The following SPAG16 variants were observed in gnomAD, a reference collection of about 807,000 sequenced individuals.
The protein encoded by SPAG16 is sperm-associated antigen 16 protein.
A neutral mutation model predicts 80.4 loss-of-function variants in SPAG16; 86 were observed. The ratio of observed to expected loss-of-function variants is 1.07; its 90% CI spans 0.90 to 1.28. The LOEUF is 1.28. Among genes scored for constraint, SPAG16 ranks in the 50% most tolerant of loss-of-function variants. The pLI, the probability that SPAG16 is intolerant of heterozygous loss-of-function variation, is 0.00. For missense variants in SPAG16, 870 were observed against 765.3 expected, an observed-to-expected ratio of 1.14 and a Z score of -1.61; for synonymous variants, 294 against 265.9, an observed-to-expected ratio of 1.11 and a Z score of -1.03.
Position 213,995,200 on chromosome 2 carries a change from T to A in SPAG16, c.1401-18751T>A, listed in dbSNP as rs2046460447. On this transcript the variant is annotated intron_variant, in intron 12 of 15. Coordinates refer to ENST00000331683, the MANE Select transcript of SPAG16 (RefSeq NM_024532.5). ...GCAGAAGCCACTAAGTTTTAATGTG[T>A]GTTAAAAACAGCAGCAAAAACTGTT... is the stretch of plus-strand genomic sequence containing the variant. Among the ~76,000 whole-genome samples, 3 of 152,156 alleles carry A rather than the reference T, an allele frequency of 2.0e-5. No individual in the cohort carries two copies. In the South Asian group the frequency reaches 6.2e-4, roughly 32 times the overall value.
At chr2:213,819,968 G>A (rs1448339074) in intron 10 of SPAG16, among the ~76,000 whole-genome samples, 5 of 144,778 alleles carry the variant, frequency 3.5e-5, no homozygotes, top group Admixed American at 1.4e-4. Flanking sequence ...TAGTAGAGAC[G>A]GGTTTTGCCA....
At chr2:214,390,403 A>T (rs1444352050) in intron 15 of SPAG16, among the ~76,000 whole-genome samples, 1 of 149,756 alleles carries the variant, frequency 6.7e-6, no homozygotes. Context: ...AATTATAATG[A>T]TTTCAAATTC....
intron 15 of SPAG16, among the ~76,000 whole-genome samples, chr2:214,352,115 G>A (rs141249482): frequency 5.8e-4 from 89 of 152,230 alleles, no homozygotes; most frequent in African/African-American, 2.1e-3. Context: ...ATTGCCATTC[G>A]TGAAGACTTT....
At chr2:213,406,598 T>C (rs923470881) in intron 9 of SPAG16, among the ~76,000 whole-genome samples, 1 of 152,206 alleles carries the variant, frequency 6.6e-6, no homozygotes, top group Non-Finnish European at 1.5e-5. Flanking sequence ...GGATAAAGGA[T>C]GTTACCATAT....
intron 3 of SPAG16, chr2:213,302,680 A>T (rs543119060): frequency 7.3e-6 from 1 of 136,362 alleles, no homozygotes; most frequent in African/African-American, 2.5e-5. Context: ...ATGCAGAAGA[A>T]CTATAAATTG....
chr2:214,142,818 G>A (rs2055432967), intron 14 of SPAG16, among the ~76,000 whole-genome samples: 1 of 152,110 alleles, frequency 6.6e-6, no homozygotes, highest in Non-Finnish European at 1.5e-5. Flanking sequence ...TCTTACCCCA[G>A]CCATGGTTTT....
chr2:213,931,329 C>T (rs2078743911), intron 12 of SPAG16, among the ~76,000 whole-genome samples: 1 of 152,030 alleles, frequency 6.6e-6, no homozygotes, highest in South Asian at 2.1e-4. Flanking sequence ...TATTTTAGAC[C>T]TATGTCTATC....
chr2:213,314,535 T>G (rs1054023880), intron 4 of SPAG16, among the ~76,000 whole-genome samples: 4 of 151,866 alleles, frequency 2.6e-5, no homozygotes, highest in Non-Finnish European at 5.9e-5. Context: ...TATCTAAAAA[T>G]GAGCCTGAAG....
chr2:214,276,363 T>A (rs1429601209), intron 15 of SPAG16, among the ~76,000 whole-genome samples: 1 of 152,244 alleles, frequency 6.6e-6, no homozygotes, highest in Non-Finnish European at 1.5e-5. Context: ...ATCTTGCCCA[T>A]TAATTGATGT....
At chr2:213,801,307 G>T (rs747382962) in intron 10 of SPAG16, among the ~76,000 whole-genome samples, 3 of 152,130 alleles carry the variant, frequency 2.0e-5, no homozygotes, top group Non-Finnish European at 4.4e-5. Context: ...TACTAATCAG[G>T]TGTCTTCAAA....
chr2:214,336,118 A>T (rs2126020996), intron 15 of SPAG16, among the ~76,000 whole-genome samples: 1 of 152,286 alleles, frequency 6.6e-6, no homozygotes, highest in African/African-American at 2.4e-5. Flanking sequence ...GGATTTAGTT[A>T]TCTTGTTGCA....
At chr2:214,163,945 C>T (rs967420400) in intron 15 of SPAG16, among the ~76,000 whole-genome samples, 3 of 151,866 alleles carry the variant, frequency 2.0e-5, no homozygotes, top group Admixed American at 6.6e-5. Flanking sequence ...GTACTAATCA[C>T]GTCTTTAAAA....
At chr2:213,917,838 A>G (rs557945167) in intron 11 of SPAG16, among the ~76,000 whole-genome samples, 6 of 152,182 alleles carry the variant, frequency 3.9e-5, no homozygotes, top group African/African-American at 1.2e-4. Flanking sequence ...AAGAAGGCAT[A>G]CTTGACTGGT....
chr2:213,545,755 T>C (rs2076591470), intron 10 of SPAG16, among the ~76,000 whole-genome samples: 1 of 152,138 alleles, frequency 6.6e-6, no homozygotes, highest in Non-Finnish European at 1.5e-5. Context: ...TGTCTCACCA[T>C]TATGTCTAAG....
At chr2:213,326,297 C>CTTTA (rs1409475320) in intron 5 of SPAG16, among the ~76,000 whole-genome samples, 2 of 151,926 alleles carry the variant, frequency 1.3e-5, no homozygotes, top group Non-Finnish European at 2.9e-5. Flanking sequence ...ACTAAGGGGC[C>CTTTA]TTTATTTCAC....
At chr2:213,812,546 G>T (rs1449017416) in intron 10 of SPAG16, among the ~76,000 whole-genome samples, 2 of 152,194 alleles carry the variant, frequency 1.3e-5, no homozygotes, top group East Asian at 3.8e-4. Context: ...GCAGATGTAT[G>T]TTTATTTGTG....
intron 15 of SPAG16, among the ~76,000 whole-genome samples, chr2:214,296,041 A>T (rs957871850): frequency 1.3e-5 from 2 of 152,152 alleles, no homozygotes; most frequent in African/African-American, 4.8e-5. Flanking sequence ...TTCAACCCTC[A>T]TGCTCCTCCC....
At chr2:214,405,881 C>A (rs1701970408) in intron 15 of SPAG16, among the ~76,000 whole-genome samples, 1 of 152,162 alleles carries the variant, frequency 6.6e-6, no homozygotes, top group Non-Finnish European at 1.5e-5. Flanking sequence ...ATAGCTACAT[C>A]ACAGTGTTGA....
intron 11 of SPAG16, among the ~76,000 whole-genome samples, chr2:213,865,266 A>G (rs1429751799): frequency 6.6e-6 from 1 of 152,078 alleles, no homozygotes; most frequent in African/African-American, 2.4e-5. Context: ...TATAAATTAT[A>G]CAATCCATAA....
Sources: gnomAD v4.1 joint callset for allele counts (sites outside exome capture counted in the v4.1 genomes callset) on GRCh38, gnomAD v4.1.1 for gene constraint, MANE v1.5 for transcripts, NCBI Gene and HGNC (gene_info 2026-07-23, HGNC 2026-07-21) for gene names.